Variants in PGA5 observed in about 807,000 individuals in gnomAD.
PGA5 encodes the protein pepsinogen A5.
PGA5 carries 19 observed loss-of-function variants against 15.9 expected under a neutral mutation model. The ratio of observed to expected loss-of-function variants is 1.19; its 90% CI spans 0.83 to 1.75. The LOEUF is 1.75. Among genes scored for constraint, PGA5 ranks in the 40% most tolerant of loss-of-function variants. The probability of loss-of-function intolerance (pLI) is 0.00; values close to 1 mark genes in which losing one functional copy is unlikely to be tolerated. For missense variants in PGA5, 224 were observed against 246.4 expected, an observed-to-expected ratio of 0.91 and a Z score of 0.61; for synonymous variants, 92 against 95.8, an observed-to-expected ratio of 0.96 and a Z score of 0.23.
intron 4 of PGA5, chr11:61,245,615 T>A: frequency 1.3e-4 from 1 of 7,586 alleles, no homozygotes; most frequent in African/African-American, 0.017. Context: ...TCCCTGCCAC[T>A]TTCGGGGCAT....
At chr11:61,251,076 C>T (rs978321593) in intron 8 of PGA5, 56 bp from the exon 9 acceptor site, 14 of 1,611,514 alleles carry the variant, frequency 8.7e-6, no homozygotes, top group Middle Eastern at 2.2e-4. Context: ...TATCACCCAG[C>T]GCCTATCACG....
At chr11:61,246,773 A>G (rs1320428496) in intron 5 of PGA5, among the ~76,000 whole-genome samples, 1 of 150,692 alleles carries the variant, frequency 6.6e-6, no homozygotes. Context: ...CAATAAATAA[A>G]TAAATAAATA....
chr11:61,246,485 G>T (rs1425391014), intron 5 of PGA5, among the ~76,000 whole-genome samples: 1 of 151,854 alleles, frequency 6.6e-6, no homozygotes, highest in African/African-American at 2.4e-5. Context: ...GCCAGGCATG[G>T]TGTCTCATGC....
chr11:61,247,595 A>C (rs976925825), intron 5 of PGA5, among the ~76,000 whole-genome samples: 1 of 151,944 alleles, frequency 6.6e-6, no homozygotes, highest in Non-Finnish European at 1.5e-5. Context: ...TTAATTTCTT[A>C]TTGCCGTCTA....
rs143293115 is a variant in PGA5, at chr11:61,249,795, C to T, written c.900C>T (p.Ser300=). 9 of 1,613,640 alleles carry T rather than the reference C, an allele frequency of 5.6e-6. No homozygotes were observed. Among genetic ancestry groups the T allele is most frequent in the Admixed American group, 3.3e-5 (2 of 59,994 alleles). Residue 300 remains serine, a synonymous_variant, in exon 7 of 9, where the codon AGC becomes AGT. Coordinates refer to ENST00000312403, the MANE Select transcript of PGA5 (RefSeq NM_014224.5). ...ACATCCAGAGCGACATCGGAGCCAG[C>T]GAGAACTCAGATGGCGACGTGAGTC... The part of the protein sequence containing the change: ...IANIQSDIGA[S]ENSDGDMVVS...
In PGA5 at chr11:61,251,330, T is replaced by C; in HGVS notation, c.*49T>C. On this transcript the variant is annotated 3_prime_UTR_variant, in exon 9 of 9. Coordinates refer to ENST00000312403, the MANE Select transcript of PGA5 (RefSeq NM_014224.5). ...CCAGGAAGATCTGGCCTCCGTCCTA[T>C]GCCCACTTTAGATGTATCTAATTCT... is the stretch of plus-strand genomic sequence containing the variant. 6.2e-7 allele frequency: 1 copy of C among 1,611,782 alleles called. No individual in the cohort carries two copies. Among genetic ancestry groups the C allele is most frequent in the South Asian group, 1.1e-5 (1 of 90,958 alleles).
At position 61,248,461 on chromosome 11, in the gene PGA5, C is replaced by G. The variant is rs143918134; in HGVS notation, c.699C>G (p.Asp233Glu). The G allele has an allele frequency of 8.5e-4, 1,371 of 1,613,798 alleles. 33 individuals are homozygous for G. The African/African-American group carries it at 0.016, about 18-fold the overall frequency. Residue 233 changes from aspartate to glutamate, a missense_variant, in exon 6 of 9, where the codon GAC becomes GAG. Physicochemically the swap from Asp to Glu is conservative, Grantham distance 45. Transcript: ENST00000312403. ...GCGTGGTGATCTTTGGTGGCATTGA[C>G]TCTTCTTACTACACTGGAAGTCTGA... ...SGSVVIFGGI[D>E]SSYYTGSLNW...
Position 61,249,730 on chromosome 11 carries a change from G to C in PGA5, c.835G>C (p.Gly279Arg), listed in dbSNP as rs752360139. 1 of 1,613,510 alleles carries C rather than the reference G, an allele frequency of 6.2e-7. No homozygotes were observed. Among genetic ancestry groups the C allele is most frequent in the South Asian group, 1.1e-5 (1 of 91,038 alleles). ...GGGCTGCCAGGCCATTGTTGACACC[G>C]GCACCTCTCTGCTGACCGGCCCAAC... is the stretch of plus-strand genomic sequence containing the variant. ...AEGCQAIVDT[G>R]TSLLTGPTSP... The change falls in exon 7 of 9, where the codon GGC (glycine) becomes CGC (arginine). Residue 279 changes from glycine to arginine, a missense_variant. Coordinates refer to ENST00000312403, the MANE Select transcript of PGA5 (RefSeq NM_014224.5).
At chr11:61,248,132 A>G (rs1854090782) in intron 5 of PGA5, 5 of 712,018 alleles carry the variant, frequency 7.0e-6, no homozygotes, top group South Asian at 1.6e-5. Flanking sequence ...CATTCAAACT[A>G]TAAGGCCTGT....
intron 5 of PGA5, among the ~76,000 whole-genome samples, chr11:61,246,460 A>T (rs183284888): frequency 4.4e-4 from 67 of 151,928 alleles, no homozygotes; most frequent in Non-Finnish European, 2.9e-4. Context: ...ATACCATTTA[A>T]AGTGAATACA....
intron 6 of PGA5, 27 bp from the exon 7 acceptor site, chr11:61,249,642 G>A (rs1205606218): frequency 6.2e-7 from 1 of 1,613,586 alleles, no homozygotes; most frequent in South Asian, 1.1e-5. Flanking sequence ...GAGGGCTCAG[G>A]GAGCTTAACT....
At chr11:61,248,604 C>A in intron 6 of PGA5, 69 bp downstream of exon 6, 6 of 1,588,610 alleles carry the variant, frequency 3.8e-6, no homozygotes, top group Non-Finnish European at 5.2e-6. Flanking sequence ...GGATTCATAG[C>A]CAATCAGCTT....
Position 61,251,260 on chromosome 11 carries a change from C to G in PGA5, c.1146C>G (p.Val382=). The change falls in exon 9 of 9, where the codon GTC becomes GTG. Residue 382 remains valine (V), a synonymous_variant. Coordinates refer to ENST00000312403, the MANE Select transcript of PGA5 (RefSeq NM_014224.5). The stretch of plus-strand genomic sequence containing the variant: ...TCTTCGACAGGGCAAACAACCAGGT[C>G]GGCCTGGCCCCTGTGGCTTAAGCCT... The part of the protein sequence containing the change: ...FTVFDRANNQ[V]GLAPVA 6.2e-7 allele frequency: 1 copy of G among 1,611,850 alleles called. No homozygotes were observed. The highest frequency in any genetic ancestry group is 8.5e-7 in the Non-Finnish European group (1 of 1,179,860).
chr11:61,248,050 C>T lies in PGA5; in HGVS notation c.657-369C>T, dbSNP rs11230642. ...ACCTCCACCCTCAAGTCCTTAAGAG[C>T]GGACACTGTCATGCATTCACTTCCC... On this transcript the variant is annotated intron_variant, in intron 5 of 8. Transcript: ENST00000312403. 9.2e-3 allele frequency: 5,575 copies of T among 608,378 alleles called. 345 individuals carry two copies. In the African/African-American group the frequency reaches 0.094, roughly 10 times the overall value. The allele number at this position is 608,378 out of a possible 1,614,324, so 37.7% of individuals were successfully genotyped here.
intron 8 of PGA5, among the ~76,000 whole-genome samples, chr11:61,250,253 G>T (rs974225497): frequency 1.3e-5 from 2 of 151,248 alleles, no homozygotes; most frequent in African/African-American, 4.9e-5. Flanking sequence ...GTGAAAAGAG[G>T]ATTCTATTTG....
chr11:61,248,375 G>A, intron 5 of PGA5, 44 bp from the exon 6 acceptor site: 2 of 1,613,800 alleles, frequency 1.2e-6, no homozygotes, highest in Admixed American at 3.3e-5. Context: ...TCACACAAAT[G>A]GACGAACAAA....
At chr11:61,251,069 C>T (rs1316988580) in intron 8 of PGA5, 63 bp from the exon 9 acceptor site, 3 of 1,611,498 alleles carry the variant, frequency 1.9e-6, no homozygotes, top group Non-Finnish European at 2.5e-6. Flanking sequence ...GGATGTTTAT[C>T]ACCCAGCGCC....
chr11:61,246,332 C>T lies in PGA5; in HGVS notation c.656+187C>T, dbSNP rs569263411. Among the ~76,000 whole-genome samples the T allele has an allele frequency of 1.1e-3, 168 of 149,532 alleles. 2 individuals are homozygous for T. The highest frequency in any genetic ancestry group is 4.1e-3 in the African/African-American group (163 of 40,100). On this transcript the variant is annotated intron_variant, in intron 5 of 8. Transcript: ENST00000312403. ...GTAATAGTGCCAAGTCTGTCTCTGA[C>T]GGGCCATGTGCACTCCATCTTATTT...
chr11:61,248,009 C>G (rs1047711035), intron 5 of PGA5: 1 of 594,926 alleles, frequency 1.7e-6, no homozygotes, highest in Non-Finnish European at 3.0e-6. Flanking sequence ...AAACTGCTCC[C>G]AGCTAAGAAC....
Sources: gnomAD v4.1 joint callset for allele counts (sites outside exome capture counted in the v4.1 genomes callset) on GRCh38, gnomAD v4.1.1 for gene constraint, MANE v1.5 for transcripts, NCBI Gene and HGNC (gene_info 2026-07-23, HGNC 2026-07-21) for gene names.